The following FILIP1L variants were observed in gnomAD, a reference collection of about 807,000 sequenced individuals.
The protein encoded by FILIP1L is filamin A-interacting protein 1-like.
FILIP1L carries 55 observed loss-of-function variants against 96.6 expected under a neutral mutation model. That is an observed-to-expected ratio of 0.57 (90% CI 0.46 to 0.71). The LOEUF is 0.71. Ranked by LOEUF, FILIP1L falls within the 30% of genes least tolerant of loss-of-function variation. The pLI is 0.00. For synonymous variants in FILIP1L, 467 were observed against 473.9 expected, an observed-to-expected ratio of 0.99 and a Z score of 0.19; for missense variants, 1,304 against 1,321.2, an observed-to-expected ratio of 0.99 and a Z score of 0.20.
intron 1 of FILIP1L, among the ~76,000 whole-genome samples, chr3:100,108,141 A>G (rs2066425307): frequency 6.6e-6 from 1 of 152,138 alleles, no homozygotes; most frequent in Admixed American, 6.6e-5. Flanking sequence ...CCTTTTATTT[A>G]TAGATGACAT....
At chr3:99,843,344 C>T (rs1014085614) in intron 5 of FILIP1L, among the ~76,000 whole-genome samples, 1 of 152,172 alleles carries the variant, frequency 6.6e-6, no homozygotes, top group Non-Finnish European at 1.5e-5. Context: ...GGAATCTTCC[C>T]ACCCAATAAA....
At chr3:100,039,780 GTCT>G (rs1423352151) in intron 1 of FILIP1L, 1 of 149,234 alleles carries the variant, frequency 6.7e-6, no homozygotes, top group Non-Finnish European at 1.5e-5. Context: ...TTGAGATGGA[GTCT>G]TGTTCTGTTG....
chr3:99,933,209 A>G (rs930179077), intron 1 of FILIP1L, among the ~76,000 whole-genome samples: 9 of 152,220 alleles, frequency 5.9e-5, no homozygotes, highest in Non-Finnish European at 1.0e-4. Flanking sequence ...AGACAAATGC[A>G]TATATACACT....
chr3:99,985,809 G>A (rs572618605), intron 1 of FILIP1L, among the ~76,000 whole-genome samples: 47 of 152,184 alleles, frequency 3.1e-4, no homozygotes, highest in African/African-American at 1.1e-3. Context: ...GGCTGGTCTC[G>A]AACTCCTGAC....
At chr3:99,871,850 T>C (rs571777692) in intron 4 of FILIP1L, among the ~76,000 whole-genome samples, 4 of 152,322 alleles carry the variant, frequency 2.6e-5, no homozygotes, top group Middle Eastern at 6.8e-3. Flanking sequence ...TAAATACACT[T>C]ATTTTTTATT....
chr3:100,111,840 G>A (rs2107478601), intron 1 of FILIP1L, among the ~76,000 whole-genome samples: 1 of 152,286 alleles, frequency 6.6e-6, no homozygotes, highest in East Asian at 1.9e-4. Context: ...ACTAAAATGT[G>A]TTTTCTAATT....
In FILIP1L at chr3:100,005,392, C is replaced by A. The variant is rs1709959504; in HGVS notation, c.-10-74362G>T. 2.6e-5 allele frequency among the ~76,000 whole-genome samples: 4 copies of A among 152,084 alleles called. No homozygotes were observed. In the South Asian group the frequency reaches 6.2e-4, roughly 24 times the overall value. On this transcript the variant is annotated intron_variant, in intron 1 of 5. Coordinates refer to ENST00000477258, the MANE Select transcript of FILIP1L (RefSeq NM_001387850.1). ...GGATCTCAGAGTGGGGTCCCTCTAC[C>A]CCCACTGTATAGGAATCTCCTTGGG...
At chr3:100,081,777 T>TTTC (rs986495333) in intron 1 of FILIP1L, among the ~76,000 whole-genome samples, 1 of 152,214 alleles carries the variant, frequency 6.6e-6, no homozygotes, top group African/African-American at 2.4e-5. Context: ...TCTTAGTTGT[T>TTTC]TTAGAGCCAG....
intron 1 of FILIP1L, among the ~76,000 whole-genome samples, chr3:100,037,470 ACATTG>A (rs2065128290): frequency 6.6e-6 from 1 of 151,982 alleles, no homozygotes; most frequent in African/African-American, 2.4e-5. Flanking sequence ...ACACACACGC[ACATTG>A]TTATCTTCAC....
At position 100,069,026 on chromosome 3, in the gene FILIP1L, T is replaced by C. The variant is rs567108679; in HGVS notation, c.-11+45027A>G. Among the ~76,000 whole-genome samples the C allele has an allele frequency of 5.9e-5, 9 of 152,322 alleles. No homozygotes were observed. In the South Asian group the frequency reaches 8.3e-4, roughly 14 times the overall value. ...CAAACCCAGATAGAACGTTAGCAAG[T>C]ACCCACGTGATTTGGGCACTTCATA... On this transcript the variant is annotated intron_variant, in intron 1 of 5. Transcript: ENST00000477258.
intron 3 of FILIP1L, among the ~76,000 whole-genome samples, chr3:99,924,829 G>A (rs917822331): frequency 2.0e-5 from 3 of 152,088 alleles, no homozygotes; most frequent in African/African-American, 4.8e-5. Context: ...GCCAGCAGTG[G>A]GTTTTTTATC....
At chr3:99,987,385 G>A (rs113639012) in intron 1 of FILIP1L, among the ~76,000 whole-genome samples, 11,538 of 151,236 alleles carry the variant, frequency 0.076, 556 homozygotes, top group Admixed American at 0.11. Flanking sequence ...AAAAATTAAC[G>A]GGGTGTGGTG....
chr3:99,832,522 G>A (rs113806973), intron 5 of FILIP1L, among the ~76,000 whole-genome samples: 1,296 of 127,878 alleles, frequency 0.01, 29 homozygotes, highest in African/African-American at 0.036. Flanking sequence ...GAGCCACTGC[G>A]CCCAGCCATT....
At chr3:100,069,672 A>G (rs948115661) in intron 1 of FILIP1L, among the ~76,000 whole-genome samples, 1 of 152,174 alleles carries the variant, frequency 6.6e-6, no homozygotes, top group Non-Finnish European at 1.5e-5. Flanking sequence ...GGCATTGCCT[A>G]TCAGGAAATG....
intron 4 of FILIP1L, chr3:99,874,418 T>C (rs1314813454): frequency 3.3e-5 from 5 of 152,186 alleles, no homozygotes; most frequent in South Asian, 2.1e-4. Flanking sequence ...AACTCTTCCA[T>C]TGCATATTCT....
At chr3:100,083,456 A>G (rs568377189) in intron 1 of FILIP1L, among the ~76,000 whole-genome samples, 39 of 152,312 alleles carry the variant, frequency 2.6e-4, no homozygotes, top group African/African-American at 9.1e-4. Context: ...AGTGATCTGT[A>G]TTTTAGCAAG....
chr3:100,031,914 G>A (rs1399317888), intron 1 of FILIP1L, among the ~76,000 whole-genome samples: 2 of 152,060 alleles, frequency 1.3e-5, no homozygotes, highest in African/African-American at 4.8e-5. Context: ...AAATTAATGA[G>A]CATGGCTGTG....
rs570370378 is a variant in FILIP1L, at chr3:100,041,839, T to A, written c.-11+72214A>T. On this transcript the variant is annotated intron_variant, in intron 1 of 5. Transcript: ENST00000477258. ...GCCTTGATTTATCTCACCTTTTTCTTCTTTCAACATGAAAGTATATCACAT... is the reference window on the plus strand; with the variant it reads ...GCCTTGATTTATCTCACCTTTTTCTACTTTCAACATGAAAGTATATCACAT... Among the ~76,000 whole-genome samples the A allele has an allele frequency of 3.9e-5, 6 of 152,280 alleles. No homozygotes were observed. In the South Asian group the frequency reaches 1.2e-3, roughly 32 times the overall value.
intron 1 of FILIP1L, among the ~76,000 whole-genome samples, chr3:100,061,121 AAAGGCACTG>A: frequency 6.6e-6 from 1 of 152,186 alleles, no homozygotes; most frequent in Admixed American, 6.5e-5. Flanking sequence ...ATCAAGGCAG[AAAGGCACTG>A]TTAAAATTTA....
Sources: gnomAD v4.1 joint callset for allele counts (sites outside exome capture counted in the v4.1 genomes callset) on GRCh38, gnomAD v4.1.1 for gene constraint, MANE v1.5 for transcripts, NCBI Gene and HGNC (gene_info 2026-07-23, HGNC 2026-07-21) for gene names.